The following PTPN5 variants were observed in gnomAD, a reference collection of about 807,000 sequenced individuals.
PTPN5 encodes protein tyrosine phosphatase non-receptor type 5, also known as tyrosine-protein phosphatase non-receptor type 5.
PTPN5 carries 29 observed loss-of-function variants against 73.9 expected under a neutral mutation model. The observed-to-expected ratio is 0.39, with a 90% CI of 0.29 to 0.54. The LOEUF is 0.54. Ranked by LOEUF, PTPN5 falls within the 20% of genes least tolerant of loss-of-function variation. PTPN5 has a pLI of 0.65. For missense variants in PTPN5, 652 were observed against 751.4 expected, an observed-to-expected ratio of 0.87 and a Z score of 1.55; for synonymous variants, 267 against 304.7, an observed-to-expected ratio of 0.88 and a Z score of 1.29.
At chr11:18,791,341 G>T (rs1851915240) in intron 1 of PTPN5, among the ~76,000 whole-genome samples, 184 bp downstream of exon 1, 1 of 152,198 alleles carries the variant, frequency 6.6e-6, no homozygotes, top group Non-Finnish European at 1.5e-5. Context: ...TCCTCTGCAT[G>T]GGGGACCCCT....
At position 18,743,330 on chromosome 11, in the gene PTPN5, C is replaced by T. The variant is rs763479607; in HGVS notation, c.391G>A (p.Glu131Lys). The change falls in exon 5 of 15, where the codon GAA becomes AAA. Residue 131 changes from glutamate (E) to lysine (K), a missense_variant. Around this residue, in one of 3 missense-constraint regions of PTPN5, gnomAD observed 529 missense variants for 573.9 expected, o/e 0.92. Transcript: ENST00000358540. ...CCCCAAAGCTTACTTACCGTGGGTT[C>T]CAGCTGTTTCAGGAGCGTCAGCAAA... ...SSLLTLLKQLEPTAWLDSGTW... is the reference protein window; with the variant it reads ...SSLLTLLKQLKPTAWLDSGTW... 31 of 1,613,992 alleles carry T rather than the reference C, an allele frequency of 1.9e-5. No homozygotes were observed. The highest frequency in any genetic ancestry group is 2.6e-5 in the Non-Finnish European group (31 of 1,179,990).
rs1849498523 is a variant in PTPN5, at chr11:18,744,036, G to A, written c.261C>T (p.Ser87=). ...ACTGTGAGGCAGCGAACAGGCACAGGCTGCTCCTGACAGTGAGGGAGTGGC... is the reference window on the plus strand; with the variant it reads ...ACTGTGAGGCAGCGAACAGGCACAGACTGCTCCTGACAGTGAGGGAGTGGC... The part of the protein sequence containing the change: ...AGSHSLTVRS[S]LCLFAASQFL... The change falls in exon 4 of 15, where the codon AGC becomes AGT. Residue 87 remains serine (S), a synonymous_variant. Coordinates refer to ENST00000358540, the MANE Select transcript of PTPN5 (RefSeq NM_006906.2). 1 of 1,608,762 alleles carries A rather than the reference G, an allele frequency of 6.2e-7. No homozygotes were observed. Among genetic ancestry groups the A allele is most frequent in the Non-Finnish European group, 8.5e-7 (1 of 1,177,652 alleles).
In PTPN5 at chr11:18,729,749, G is replaced by A. The variant is rs756413804; in HGVS notation, c.1399C>T (p.Arg467Trp). ...ACCAGGTGCAGGAGTGGGGGGGCCCGGTCTGGGGTCTTCTGGTCGGGCCAG... is the reference window on the plus strand; with the variant it reads ...ACCAGGTGCAGGAGTGGGGGGGCCCAGTCTGGGGTCTTCTGGTCGGGCCAG... ...TSWPDQKTPD[R>W]APPLLHLVRE... Residue 467 changes from arginine to tryptophan, a missense_variant, in exon 13 of 15, where the codon CGG (arginine) becomes TGG (tryptophan). This residue lies in a region of PTPN5 where 102 missense variants were observed against 160.5 expected (regional missense o/e 0.64). Coordinates refer to ENST00000358540, the MANE Select transcript of PTPN5 (RefSeq NM_006906.2). The surrounding 1 kb of genome is among the most constrained non-coding windows in gnomAD (Gnocchi z 5.2). 6 of 1,609,638 alleles carry A rather than the reference G, an allele frequency of 3.7e-6. No individual in the cohort carries two copies. Among genetic ancestry groups the A allele is most frequent in the Admixed American group, 1.7e-5 (1 of 59,818 alleles).
At chr11:18,781,135 T>C (rs959489545) in intron 1 of PTPN5, among the ~76,000 whole-genome samples, 20 of 152,026 alleles carry the variant, frequency 1.3e-4, no homozygotes, top group African/African-American at 4.8e-4. Flanking sequence ...ACTCTGATCT[T>C]TGCCGCACCC....
At chr11:18,749,484 A>AGGGGGG in intron 3 of PTPN5, 4 of 250,784 alleles carry the variant, frequency 1.6e-5, no homozygotes, top group South Asian at 2.6e-5. Context: ...GGGTCGGGGG[A>AGGGGGG]GGGTGGGGGG....
chr11:18,759,308 T>C (rs1195123316), intron 3 of PTPN5, among the ~76,000 whole-genome samples: 1 of 152,242 alleles, frequency 6.6e-6, no homozygotes, highest in Non-Finnish European at 1.5e-5. Context: ...ACAAAATCTC[T>C]GTGAAGATGT....
chr11:18,746,363 TG>T (rs1199245655), intron 3 of PTPN5, among the ~76,000 whole-genome samples: 1 of 151,562 alleles, frequency 6.6e-6, no homozygotes, highest in Admixed American at 6.6e-5. Flanking sequence ...GGCTAATTTT[TG>T]TATTTTTAGT....
intron 8 of PTPN5, 147 bp downstream of exon 8, chr11:18,740,456 T>C: frequency 1.6e-6 from 1 of 634,982 alleles, no homozygotes; most frequent in African/African-American, 1.9e-5. Flanking sequence ...GGAAAGCAGC[T>C]TGCCCAAGAT....
At position 18,761,670 on chromosome 11, in the gene PTPN5, C is replaced by G. The variant is rs532380307; in HGVS notation, c.97+4137G>C. 1.1e-3 allele frequency among the ~76,000 whole-genome samples: 160 copies of G among 152,076 alleles called. 1 individual carries two copies. The Middle Eastern group carries it at 0.014, about 13-fold the overall frequency. ...CATGACTGAGAGCCTGAGAAGAGGA[C>G]AGAGAATGGAGAGGGAGAAAAGGAG... is the stretch of plus-strand genomic sequence containing the variant. On this transcript the variant is annotated intron_variant, in intron 3 of 14. Coordinates refer to ENST00000358540, the MANE Select transcript of PTPN5 (RefSeq NM_006906.2).
intron 3 of PTPN5, 53 bp from the exon 4 acceptor site, chr11:18,744,252 G>A: frequency 7.0e-7 from 1 of 1,420,216 alleles, no homozygotes; most frequent in Non-Finnish European, 9.2e-7. Context: ...CCACAGGCAG[G>A]GCTCTGCCAC....
At chr11:18,780,476 C>G (rs541259501) in intron 1 of PTPN5, among the ~76,000 whole-genome samples, 1 of 152,242 alleles carries the variant, frequency 6.6e-6, no homozygotes, top group African/African-American at 2.4e-5. Flanking sequence ...CCCTGCCCCC[C>G]GCCTAATTTA....
intron 1 of PTPN5, among the ~76,000 whole-genome samples, chr11:18,781,473 C>T (rs190562493): frequency 6.6e-6 from 1 of 152,160 alleles, no homozygotes; most frequent in African/African-American, 2.4e-5. Flanking sequence ...GAGCCTGCCA[C>T]CACACCTGGC....
chr11:18,731,515 T>C (rs1254494656), intron 12 of PTPN5, among the ~76,000 whole-genome samples: 6 of 152,212 alleles, frequency 3.9e-5, no homozygotes, highest in Admixed American at 1.3e-4. Flanking sequence ...CTCCATGGCA[T>C]TGAGAAGGTG....
intron 3 of PTPN5, among the ~76,000 whole-genome samples, chr11:18,758,601 C>T (rs900191742): frequency 6.6e-6 from 1 of 151,958 alleles, no homozygotes. Flanking sequence ...GTGTTGAGAT[C>T]GTCAGGCAGC....
intron 1 of PTPN5, among the ~76,000 whole-genome samples, chr11:18,773,827 C>G (rs1851023517): frequency 6.6e-6 from 1 of 152,160 alleles, no homozygotes; most frequent in Admixed American, 6.5e-5. Context: ...ATGGGGCATC[C>G]TAGCCTGGGA....
chr11:18,740,190 G>A (rs557578559), intron 8 of PTPN5, among the ~76,000 whole-genome samples: 6 of 152,250 alleles, frequency 3.9e-5, no homozygotes, highest in African/African-American at 7.2e-5. Context: ...GGGTGGTAAC[G>A]AGGGGAGGCC....
chr11:18,752,264 T>C (rs971649181), intron 3 of PTPN5, among the ~76,000 whole-genome samples: 2 of 152,152 alleles, frequency 1.3e-5, no homozygotes, highest in Admixed American at 1.3e-4. Flanking sequence ...TCATAGGACT[T>C]AGAGGATGCT....
intron 12 of PTPN5, among the ~76,000 whole-genome samples, chr11:18,732,238 C>A (rs1848908728): frequency 6.6e-6 from 1 of 152,192 alleles, no homozygotes; most frequent in Non-Finnish European, 1.5e-5. Context: ...TCATGATGAA[C>A]CCTCAATTAT....
At chr11:18,771,403 C>A (rs1310858673) in intron 2 of PTPN5, among the ~76,000 whole-genome samples, 1 of 152,232 alleles carries the variant, frequency 6.6e-6, no homozygotes, top group African/African-American at 2.4e-5. Context: ...ACGGAGCACT[C>A]CCTGATCTCT....
Sources: gnomAD v4.1 joint callset for allele counts (sites outside exome capture counted in the v4.1 genomes callset) on GRCh38, gnomAD v4.1.1 for gene constraint, gnomAD v4.1.1 regional missense constraint, Gnocchi (gnomAD v3.1) non-coding constraint, MANE v1.5 for transcripts, NCBI Gene and HGNC (gene_info 2026-07-23, HGNC 2026-07-21) for gene names.